PPP1R9A: variants seen among roughly 807,000 people sequenced by gnomAD.
PPP1R9A encodes the protein protein phosphatase 1 regulatory subunit 9A.
PPP1R9A carries 59 observed loss-of-function variants against 141.9 expected under a neutral mutation model. That is an observed-to-expected ratio of 0.42 (90% CI 0.34 to 0.52). The LOEUF (loss-of-function observed/expected upper bound fraction) is 0.52, where lower values mean the gene tolerates loss of function less well. PPP1R9A is among the 20% of genes least tolerant of loss of function. The probability of loss-of-function intolerance (pLI) is 0.10; values close to 1 mark genes in which losing one functional copy is unlikely to be tolerated. For synonymous variants in PPP1R9A, 500 were observed against 569.7 expected, an observed-to-expected ratio of 0.88 and a Z score of 1.74; for missense variants, 1,444 against 1,611.9, an observed-to-expected ratio of 0.90 and a Z score of 1.78.
chr7:94,954,834 CGTGTGTGTGT>C (rs66968535), intron 2 of PPP1R9A, among the ~76,000 whole-genome samples: 2,268 of 146,304 alleles, frequency 0.016, 62 homozygotes, highest in African/African-American at 0.051. Flanking sequence ...TGTAAATATG[CGTGTGTGTGT>C]GTGTGTGTGT....
chr7:95,057,093 G>A (rs1281692467), intron 2 of PPP1R9A, among the ~76,000 whole-genome samples: 2 of 152,114 alleles, frequency 1.3e-5, no homozygotes, highest in Admixed American at 1.3e-4. Context: ...TTCATCAGAA[G>A]CCTCATTAGG....
intron 6 of PPP1R9A, among the ~76,000 whole-genome samples, chr7:95,199,169 A>G (rs536829639): frequency 6.6e-6 from 1 of 152,334 alleles, no homozygotes; most frequent in South Asian, 2.1e-4. Flanking sequence ...CTGTAATATA[A>G]TACAGATGCT....
chr7:95,269,228 C>G lies in PPP1R9A; in HGVS notation c.2845C>G (p.His949Asp). ...ERKPSNSFYNHMHITKLLPPK... is the reference protein window; with the variant it reads ...ERKPSNSFYNDMHITKLLPPK... ...ACAGCCATCAAACAGTTTCTATAAC[C>G]ACATGCATATTACCAAATTACTTCC... Residue 949 changes from histidine (H) to aspartate (D), a missense_variant, in exon 14 of 20, where the codon CAC becomes GAC. By Grantham distance (81) the His-to-Asp change is moderately conservative. Around this residue, in one of 5 missense-constraint regions of PPP1R9A, gnomAD observed 459 missense variants for 513.8 expected, o/e 0.89. Transcript: ENST00000433360. 6.5e-7 allele frequency: 1 copy of G among 1,545,854 alleles called. No homozygotes were observed. Among genetic ancestry groups the G allele is most frequent in the South Asian group, 1.1e-5 (1 of 89,506 alleles).
At chr7:95,122,535 C>G (rs143493196) in intron 4 of PPP1R9A, among the ~76,000 whole-genome samples, 43 of 152,276 alleles carry the variant, frequency 2.8e-4, no homozygotes, top group Admixed American at 1.6e-3. Flanking sequence ...AAATACAAAA[C>G]CACACCTTAT....
rs189853708 is a variant in PPP1R9A at position 94,967,447 on chromosome 7, G to T, written c.1395+55939G>T. On this transcript the variant is annotated intron_variant, in intron 2 of 19. Coordinates refer to ENST00000433360, the MANE Select transcript of PPP1R9A (RefSeq NM_001166160.2). ...AGATCTTTCCTGCTTTCTCTTGTGG[G>T]CATTTAGTGCTATAAATTTTTCTCT... Among the ~76,000 whole-genome samples, 24 of 152,108 alleles carry T rather than the reference G, an allele frequency of 1.6e-4. No individual in the cohort carries two copies. In the East Asian group the frequency reaches 4.4e-3, roughly 28 times the overall value.
Position 95,277,444 on chromosome 7 carries a change from G to A in PPP1R9A, c.3296+3276G>A, listed in dbSNP as rs75899600. 3.7e-3 allele frequency among the ~76,000 whole-genome samples: 556 copies of A among 152,226 alleles called. 2 individuals are homozygous for A. The highest frequency in any genetic ancestry group is 6.8e-3 in the Middle Eastern group (2 of 294). On this transcript the variant is annotated intron_variant, in intron 16 of 19. Coordinates refer to ENST00000433360, the MANE Select transcript of PPP1R9A (RefSeq NM_001166160.2). ...TGTCTTTTTGTTTGTTTGTTTGTTT[G>A]TTTGAGACAGTGTCTCACTCTGTTG...
intron 5 of PPP1R9A, among the ~76,000 whole-genome samples, chr7:95,196,618 A>C (rs2152850343): frequency 6.6e-6 from 1 of 152,288 alleles, no homozygotes; most frequent in East Asian, 1.9e-4. Flanking sequence ...AAAACTATTT[A>C]GTGATAAAAA....
intron 12 of PPP1R9A, among the ~76,000 whole-genome samples, chr7:95,266,442 A>G (rs1397392941): frequency 6.6e-6 from 1 of 152,046 alleles, no homozygotes. Context: ...TGATTTTATA[A>G]CCCAAAACAC....
At chr7:94,988,525 T>A (rs1801123080) in intron 2 of PPP1R9A, among the ~76,000 whole-genome samples, 1 of 152,042 alleles carries the variant, frequency 6.6e-6, no homozygotes, top group African/African-American at 2.4e-5. Context: ...TCTGATTAGA[T>A]CTGAAAACTA....
chr7:95,058,260 C>G (rs1811756402), intron 2 of PPP1R9A, among the ~76,000 whole-genome samples: 1 of 152,146 alleles, frequency 6.6e-6, no homozygotes. Flanking sequence ...GGACTATTTA[C>G]AGATCCCTTA....
intron 4 of PPP1R9A, among the ~76,000 whole-genome samples, chr7:95,152,458 A>G (rs1563320148): frequency 6.6e-6 from 1 of 152,252 alleles, no homozygotes; most frequent in East Asian, 1.9e-4. Flanking sequence ...TTTTTAACCC[A>G]TTTACAGCTT....
intron 2 of PPP1R9A, among the ~76,000 whole-genome samples, chr7:95,104,508 A>C (rs906232675): frequency 3.9e-5 from 6 of 152,202 alleles, no homozygotes; most frequent in African/African-American, 1.4e-4. Flanking sequence ...TTATGTTAAA[A>C]GCTTGCAGAG....
At chr7:94,963,748 T>C (rs1191837647) in intron 2 of PPP1R9A, among the ~76,000 whole-genome samples, 1 of 152,210 alleles carries the variant, frequency 6.6e-6, no homozygotes, top group Non-Finnish European at 1.5e-5. Flanking sequence ...TGCAATACTT[T>C]ATGTATTAGG....
chr7:95,247,573 A>G, intron 9 of PPP1R9A, 47 bp downstream of exon 9: 2 of 1,431,826 alleles, frequency 1.4e-6, no homozygotes, highest in Non-Finnish European at 2.0e-6. Context: ...TAAACTTCAG[A>G]TACTATGAAT....
chr7:95,235,426 A>G (rs890410137), intron 8 of PPP1R9A, among the ~76,000 whole-genome samples: 3 of 152,198 alleles, frequency 2.0e-5, no homozygotes, highest in Admixed American at 2.0e-4. Flanking sequence ...AAAATGCTCA[A>G]CATCACTAAT....
intron 16 of PPP1R9A, among the ~76,000 whole-genome samples, chr7:95,278,481 G>T (rs1413068511): frequency 6.6e-6 from 1 of 151,896 alleles, no homozygotes; most frequent in Non-Finnish European, 1.5e-5. Flanking sequence ...TTACAATGTG[G>T]TTCATTTATA....
intron 2 of PPP1R9A, among the ~76,000 whole-genome samples, chr7:94,942,803 CAATAAATA>C (rs142643808): frequency 0.41 from 55,964 of 137,028 alleles, 11,457 homozygotes; most frequent in South Asian, 0.5. Flanking sequence ...GACTGTCTCT[CAATAAATA>C]AATAAATAAA....
At chr7:95,111,465 G>A in intron 3 of PPP1R9A, 74 bp downstream of exon 3, 2 of 1,378,212 alleles carry the variant, frequency 1.5e-6, no homozygotes, top group Non-Finnish European at 2.0e-6. Flanking sequence ...CCAAAATGTA[G>A]CCTTTTTTCT....
chr7:95,263,412 T>TTTG (rs1207098255), intron 12 of PPP1R9A, among the ~76,000 whole-genome samples: 15 of 112,228 alleles, frequency 1.3e-4, no homozygotes, highest in East Asian at 8.3e-4. Flanking sequence ...ATCTTTCCAG[T>TTTG]TTGTTGTTGT....
Sources: gnomAD v4.1 joint callset for allele counts (sites outside exome capture counted in the v4.1 genomes callset) on GRCh38, gnomAD v4.1.1 for gene constraint, gnomAD v4.1.1 regional missense constraint, MANE v1.5 for transcripts, NCBI Gene and HGNC (gene_info 2026-07-23, HGNC 2026-07-21) for gene names.